The following KCNT1 variants were observed in gnomAD, a reference collection of about 807,000 sequenced individuals.
KCNT1 encodes potassium channel subfamily T member 1.
In KCNT1, 78 loss-of-function variants were observed where a neutral mutation model predicts 147.8. The observed-to-expected ratio is 0.53, with a 90% CI of 0.44 to 0.64. The LOEUF is 0.64. KCNT1 is among the 30% of genes least tolerant of loss of function. The pLI, the probability that KCNT1 is intolerant of heterozygous loss-of-function variation, is 0.00. For missense variants in KCNT1, 1,419 were observed against 1,750.3 expected, an observed-to-expected ratio of 0.81 and a Z score of 3.38; for synonymous variants, 867 against 748.8, an observed-to-expected ratio of 1.16 and a Z score of -2.58.
intron 10 of KCNT1, 68 bp downstream of exon 10, chr9:135,758,576 G>A (rs902638531): frequency 7.8e-7 from 1 of 1,283,884 alleles, no homozygotes; most frequent in African/African-American, 1.5e-5. Context: ...GCAGGGCCGG[G>A]CGAGGGGATA....
intron 1 of KCNT1, among the ~76,000 whole-genome samples, chr9:135,705,772 A>G (rs954670396): frequency 6.6e-6 from 1 of 152,238 alleles, no homozygotes; most frequent in Non-Finnish European, 1.5e-5. Flanking sequence ...TGAGACCAGT[A>G]CTAGCAGCTG....
chr9:135,777,643 C>T, intron 21 of KCNT1, 133 bp downstream of exon 21: 1 of 830,352 alleles, frequency 1.2e-6, no homozygotes, highest in South Asian at 1.8e-5. Context: ...CTGGTCCTCT[C>T]AGCTTTCCTA....
intron 24 of KCNT1, among the ~76,000 whole-genome samples, chr9:135,783,213 A>G (rs1833742408): frequency 6.6e-6 from 1 of 152,196 alleles, no homozygotes; most frequent in Non-Finnish European, 1.5e-5. Context: ...ACGGGCCTCG[A>G]GATGGGAGAT....
intron 2 of KCNT1, among the ~76,000 whole-genome samples, chr9:135,737,512 G>T (rs1410502748): frequency 2.0e-5 from 3 of 152,236 alleles, no homozygotes; most frequent in African/African-American, 7.2e-5. Flanking sequence ...GCCTGGTGTG[G>T]GCACATGTCG....
chr9:135,759,453 A>C (rs142978583), intron 10 of KCNT1, among the ~76,000 whole-genome samples: 1 of 152,212 alleles, frequency 6.6e-6, no homozygotes, highest in African/African-American at 2.4e-5. Context: ...GCCAAGCTGC[A>C]TTGTCAGCCA....
intron 19 of KCNT1, among the ~76,000 whole-genome samples, chr9:135,774,400 CGT>C (rs957314086): frequency 5.4e-5 from 5 of 91,972 alleles, no homozygotes; most frequent in South Asian, 3.8e-4. Context: ...GTTGTGTGTC[CGT>C]GTGTGTGTGG....
intron 2 of KCNT1, among the ~76,000 whole-genome samples, chr9:135,734,938 G>C (rs1057142295): frequency 2.0e-5 from 3 of 152,186 alleles, no homozygotes; most frequent in Non-Finnish European, 2.9e-5. Flanking sequence ...GTGGTGCGGG[G>C]CTCCGCCTGG....
intron 2 of KCNT1, among the ~76,000 whole-genome samples, chr9:135,724,804 C>T (rs1210504096): frequency 2.0e-5 from 3 of 152,244 alleles, no homozygotes; most frequent in Non-Finnish European, 4.4e-5. Flanking sequence ...AACATGAAGG[C>T]CCCGGCCACC....
chr9:135,718,261 G>A (rs952463249), intron 2 of KCNT1, among the ~76,000 whole-genome samples: 5 of 152,242 alleles, frequency 3.3e-5, no homozygotes, highest in African/African-American at 9.6e-5. Context: ...GTACTGCAGT[G>A]ACTCACAGGA....
In KCNT1 at chr9:135,771,101, C is replaced by A. The variant is rs766281657; in HGVS notation, c.2008+6C>A. ...CAGCATCATCGCCTCCATGGGTGAG[C>A]CGGGACAGGCGCGCGGGACTCCCTG... On this transcript the variant is annotated splice_donor_region_variant and intron_variant, in intron 18 of 30. Coordinates refer to ENST00000371757, the MANE Select transcript of KCNT1 (RefSeq NM_020822.3). 7.5e-6 allele frequency: 12 copies of A among 1,605,962 alleles called. No individual in the cohort carries two copies. Among genetic ancestry groups the A allele is most frequent in the Middle Eastern group, 1.7e-4 (1 of 5,966 alleles).
intron 9 of KCNT1, 33 bp downstream of exon 9, chr9:135,757,414 G>A (rs539313482): frequency 6.3e-7 from 1 of 1,576,084 alleles, no homozygotes; most frequent in Non-Finnish European, 8.6e-7. Flanking sequence ...GCTGGGACTT[G>A]GGGGGGCCAC....
At chr9:135,769,141 GCA>G (rs1564368316) in intron 15 of KCNT1, among the ~76,000 whole-genome samples, 7 of 75,780 alleles carry the variant, frequency 9.2e-5, no homozygotes, top group Middle Eastern at 6.3e-3. Context: ...GGGGCAGGGC[GCA>G]TGTGCACACG....
chr9:135,702,356 A>C lies in KCNT1; in HGVS notation c.98A>C (p.Gln33Pro). Residue 33 changes from glutamine (Q) to proline (P), a missense_variant, in exon 1 of 31, where the codon CAA becomes CCA. By Grantham distance (76) the Gln-to-Pro change is moderately conservative. Around this residue, in one of 5 missense-constraint regions of KCNT1, gnomAD observed 181 missense variants for 155.7 expected, o/e 1.16. Coordinates refer to ENST00000371757, the MANE Select transcript of KCNT1 (RefSeq NM_020822.3). Reference sequence around the variant, plus strand: ...CGGACCTTCGAGTTTGACGACGGCCAATGCGCCCCCAGGTACAGTCTGCTG... The same window carrying C: ...CGGACCTTCGAGTTTGACGACGGCCCATGCGCCCCCAGGTACAGTCTGCTG... ...TNRTFEFDDG[Q>P]CAPRRPCAGD... The C allele has an allele frequency of 6.2e-7, 1 of 1,611,000 alleles. No individual in the cohort carries two copies. Among genetic ancestry groups the C allele is most frequent in the Non-Finnish European group, 8.5e-7 (1 of 1,178,904 alleles).
rs745340310 is a variant in KCNT1, at chr9:135,779,495, C to T, written c.2841+25C>T. Reference sequence around the variant, plus strand: ...GGTGAGCAGCCCTGCCCCGTGCCAGCTGCCACCCCAGAATCCCAGAAAGAG... The same window carrying T: ...GGTGAGCAGCCCTGCCCCGTGCCAGTTGCCACCCCAGAATCCCAGAAAGAG... On this transcript the variant is annotated intron_variant, in intron 24 of 30. Transcript: ENST00000371757. 33 of 1,501,926 alleles carry T rather than the reference C, an allele frequency of 2.2e-5. No individual in the cohort carries two copies. In the African/African-American group the frequency reaches 3.7e-4, roughly 17 times the overall value. The allele number at this position is 1,501,926 out of a possible 1,614,324, so 93.0% of individuals were successfully genotyped here.
At chr9:135,785,493 A>C (rs1296749172) in intron 28 of KCNT1, 163 bp downstream of exon 28, 7 of 865,608 alleles carry the variant, frequency 8.1e-6, no homozygotes, top group Non-Finnish European at 1.3e-5. Context: ...AGCACGGCTC[A>C]GAGAAGGCTG....
chr9:135,706,833 C>G (rs562390650), intron 1 of KCNT1, among the ~76,000 whole-genome samples: 7 of 152,142 alleles, frequency 4.6e-5, no homozygotes, highest in African/African-American at 1.4e-4. Context: ...GTATTGGGAG[C>G]GCCAGTGAGT....
rs566045604 is a variant in KCNT1 at position 135,770,011 on chromosome 9, G to A, written c.1575G>A (p.Ala525=). 12 of 1,556,480 alleles carry A rather than the reference G, an allele frequency of 7.7e-6. No homozygotes were observed. The highest frequency in any genetic ancestry group is 4.8e-5 in the East Asian group (2 of 41,400). ...TGGCGCTGAACTGCATCTGCCCGGCGACCTCCACCCTCATCACCCTGCTGG... is the reference window on the plus strand; with the variant it reads ...TGGCGCTGAACTGCATCTGCCCGGCAACCTCCACCCTCATCACCCTGCTGG... ...AMLALNCICP[A]TSTLITLLVH... The change falls in exon 16 of 31, where the codon GCG becomes GCA. Residue 525 remains alanine, a synonymous_variant. Coordinates refer to ENST00000371757, the MANE Select transcript of KCNT1 (RefSeq NM_020822.3).
chr9:135,787,101 G>A (rs1362627411), intron 29 of KCNT1, among the ~76,000 whole-genome samples: 1 of 152,190 alleles, frequency 6.6e-6, no homozygotes, highest in African/African-American at 2.4e-5. Context: ...AGACTTTGGG[G>A]GAACAGTTGG....
At chr9:135,742,465 T>G (rs1190023042) in intron 2 of KCNT1, among the ~76,000 whole-genome samples, 3 of 152,130 alleles carry the variant, frequency 2.0e-5, no homozygotes, top group South Asian at 4.1e-4. Flanking sequence ...GGAGGGTGCA[T>G]GCGCGGGGAC....
Sources: gnomAD v4.1 joint callset for allele counts (sites outside exome capture counted in the v4.1 genomes callset) on GRCh38, gnomAD v4.1.1 for gene constraint, gnomAD v4.1.1 regional missense constraint, MANE v1.5 for transcripts, NCBI Gene and HGNC (gene_info 2026-07-23, HGNC 2026-07-21) for gene names.